Variants in ARHGEF6 observed in about 807,000 individuals in gnomAD.
ARHGEF6 encodes Rac/Cdc42 guanine nucleotide exchange factor 6, also known as rho guanine nucleotide exchange factor 6.
A neutral mutation model predicts 70.3 loss-of-function variants in ARHGEF6; 9 were observed. The ratio of observed to expected loss-of-function variants is 0.13; its 90% CI spans 0.08 to 0.22. ARHGEF6 has a LOEUF of 0.22. ARHGEF6 is among the 10% of genes least tolerant of loss of function. ARHGEF6 has a pLI of 1.00. For missense variants in ARHGEF6, 470 were observed against 563.0 expected, an observed-to-expected ratio of 0.83 and a Z score of 1.67; for synonymous variants, 201 against 207.8, an observed-to-expected ratio of 0.97 and a Z score of 0.28.
chrX:136,699,752 G>A (rs2076547258), intron 9 of ARHGEF6, among the ~76,000 whole-genome samples: 1 of 111,471 alleles, frequency 9.0e-6, no homozygotes, highest in Non-Finnish European at 1.9e-5. Flanking sequence ...AGCTCCTGGA[G>A]AACCATCTTG....
chrX:136,675,496 C>T (rs77835754), intron 18 of ARHGEF6, among the ~76,000 whole-genome samples: 19,019 of 109,440 alleles, frequency 0.17, 1,368 homozygotes, highest in East Asian at 0.24. Flanking sequence ...CCCTCATTAA[C>T]CCCACTCAAT....
rs766733265 is a variant in ARHGEF6, at chrX:136,726,660, G to A, written c.732+5442C>T. On this transcript the variant is annotated intron_variant, in intron 6 of 21. Coordinates refer to ENST00000250617, the MANE Select transcript of ARHGEF6 (RefSeq NM_004840.3). ...CAGCCTTCCTCCCACATTTTCTACTGCAGGCAGGTTCTATAAAACATGCCC... is the reference window on the plus strand; with the variant it reads ...CAGCCTTCCTCCCACATTTTCTACTACAGGCAGGTTCTATAAAACATGCCC... 6.2e-5 allele frequency among the ~76,000 whole-genome samples: 7 copies of A among 112,571 alleles called. No homozygotes were observed. The East Asian group carries it at 1.9e-3, about 31-fold the overall frequency.
intron 21 of ARHGEF6, among the ~76,000 whole-genome samples, chrX:136,668,737 A>C (rs993610044): frequency 9.2e-6 from 1 of 108,439 alleles, no homozygotes. Flanking sequence ...TCAGGTCCTA[A>C]AGTGAACTCA....
chrX:136,675,963 G>C (rs1377294990), intron 18 of ARHGEF6, among the ~76,000 whole-genome samples: 1 of 101,126 alleles, frequency 9.9e-6, no homozygotes, highest in Non-Finnish European at 2.0e-5. Context: ...TGGGGTGGGG[G>C]GTGGGGCATG....
chrX:136,690,554 C>T, intron 10 of ARHGEF6, 56 bp downstream of exon 10: 1 of 1,201,426 alleles, frequency 8.3e-7, no homozygotes, highest in Non-Finnish European at 1.1e-6. Context: ...GCTGCGTCCT[C>T]CAGAGCACAG....
chrX:136,691,716 C>G (rs1419204599), intron 9 of ARHGEF6, among the ~76,000 whole-genome samples: 6 of 111,886 alleles, frequency 5.4e-5, no homozygotes, highest in African/African-American at 1.9e-4. Flanking sequence ...GATTTCAGCT[C>G]ATTCCATCTG....
At chrX:136,677,554 T>C (rs1162728732) in intron 17 of ARHGEF6, among the ~76,000 whole-genome samples, 2 of 111,671 alleles carry the variant, frequency 1.8e-5, no homozygotes, top group Non-Finnish European at 1.9e-5. Flanking sequence ...TGTGTATACA[T>C]GGAGCATGGA....
chrX:136,692,908 T>A lies in ARHGEF6; in HGVS notation c.1047-2160A>T, dbSNP rs1224578939. Among the ~76,000 whole-genome samples, 3 of 112,058 alleles carry A rather than the reference T, an allele frequency of 2.7e-5. No individual in the cohort carries two copies. In the Admixed American group the frequency reaches 2.8e-4, roughly 11 times the overall value. The stretch of plus-strand genomic sequence containing the variant: ...ACTACCAGTACCTGTGGTTTCCAAC[T>A]TAATGGAAATTCAATTGATGTTCAA... On this transcript the variant is annotated intron_variant, in intron 9 of 21. Transcript: ENST00000250617.
intron 2 of ARHGEF6, among the ~76,000 whole-genome samples, chrX:136,759,165 G>A (rs964065861): frequency 3.6e-5 from 4 of 112,309 alleles, no homozygotes; most frequent in African/African-American, 1.3e-4. Context: ...CAAAAAAGTT[G>A]TTAAACTTCT....
chrX:136,747,417 C>T, intron 3 of ARHGEF6, 91 bp downstream of exon 3: 1 of 854,267 alleles, frequency 1.2e-6, no homozygotes, highest in Non-Finnish European at 1.7e-6. Context: ...ATCACGAGAA[C>T]AATCCTGGCC....
At chrX:136,758,708 C>T (rs2077236187) in intron 2 of ARHGEF6, among the ~76,000 whole-genome samples, 1 of 111,299 alleles carries the variant, frequency 9.0e-6, no homozygotes, top group Non-Finnish European at 1.9e-5. Flanking sequence ...AGCTTTCTTT[C>T]TGTCCTCATT....
intron 7 of ARHGEF6, among the ~76,000 whole-genome samples, chrX:136,711,043 C>T (rs1389217813): frequency 8.9e-6 from 1 of 111,789 alleles, no homozygotes; most frequent in Non-Finnish European, 1.9e-5. Context: ...AACACTTACA[C>T]ACTGCTGGTG....
intron 19 of ARHGEF6, among the ~76,000 whole-genome samples, chrX:136,672,787 T>TGCACATG (rs2076238977): frequency 8.9e-6 from 1 of 112,048 alleles, no homozygotes; most frequent in Non-Finnish European, 1.9e-5. Flanking sequence ...CAAACAGCTC[T>TGCACATG]CCTGCACCTC....
At chrX:136,749,390 A>ATG (rs2077128646) in intron 2 of ARHGEF6, among the ~76,000 whole-genome samples, 1 of 111,512 alleles carries the variant, frequency 9.0e-6, no homozygotes, top group Non-Finnish European at 1.9e-5. Flanking sequence ...GGGAGTGTGC[A>ATG]TGTGTGTGTG....
At chrX:136,676,867 G>A (rs2076286513) in intron 17 of ARHGEF6, 150 bp from the exon 18 acceptor site, 1 of 484,588 alleles carries the variant, frequency 2.1e-6, no homozygotes, top group Admixed American at 2.9e-5. Flanking sequence ...CAATTAAAAT[G>A]GTTCCAATAA....
intron 2 of ARHGEF6, among the ~76,000 whole-genome samples, chrX:136,749,099 A>G (rs905638551): frequency 1.8e-5 from 2 of 112,337 alleles, no homozygotes; most frequent in Non-Finnish European, 3.8e-5. Context: ...TGCTAATATT[A>G]CTAAAGAGTT....
intron 6 of ARHGEF6, among the ~76,000 whole-genome samples, chrX:136,722,117 G>A (rs1289076758): frequency 9.1e-6 from 1 of 109,718 alleles, no homozygotes; most frequent in African/African-American, 3.3e-5. Context: ...AACAAATGGT[G>A]CTGAGAAAAC....
At chrX:136,719,069 T>G (rs1370278868) in intron 6 of ARHGEF6, among the ~76,000 whole-genome samples, 1 of 106,613 alleles carries the variant, frequency 9.4e-6, no homozygotes, top group African/African-American at 3.4e-5. Context: ...ATAGATAAAT[T>G]TATTGTAGTT....
At chrX:136,680,666 T>C in intron 15 of ARHGEF6, 65 bp downstream of exon 15, 1 of 1,148,007 alleles carries the variant, frequency 8.7e-7, no homozygotes, top group Non-Finnish European at 1.2e-6. Flanking sequence ...TTCTTGTAAG[T>C]CTCCAGCAGG....
Sources: allele counts gnomAD v4.1 joint callset (sites outside exome capture counted in the v4.1 genomes callset), GRCh38; gene constraint gnomAD v4.1.1; transcripts MANE v1.5; gene names NCBI Gene and HGNC (gene_info 2026-07-23, HGNC 2026-07-21).